Variants in PLXNB3 observed in about 807,000 individuals in gnomAD.
PLXNB3 encodes plexin-B3.
A neutral mutation model predicts 125.7 loss-of-function variants in PLXNB3; 80 were observed. The observed-to-expected ratio is 0.64, with a 90% CI of 0.53 to 0.77. The LOEUF (loss-of-function observed/expected upper bound fraction) is 0.77. Among genes scored for constraint, PLXNB3 ranks in the 30% least tolerant of loss-of-function variants. The pLI is 0.00. For synonymous variants in PLXNB3, 954 were observed against 783.3 expected, an observed-to-expected ratio of 1.22 and a Z score of -3.64; for missense variants, 1,836 against 1,729.3, an observed-to-expected ratio of 1.06 and a Z score of -1.09.
In PLXNB3 at chrX:153,775,084, G is replaced by C. The variant is rs1557063578; in HGVS notation, c.4136G>C (p.Ser1379Thr). 8.3e-7 allele frequency: 1 copy of C among 1,204,224 alleles called. No homozygotes were observed. The highest frequency in any genetic ancestry group is 3.0e-5 in the East Asian group (1 of 33,748). Residue 1379 changes from serine to threonine, a missense_variant, in exon 24 of 36, where the codon AGC becomes ACC. Ser to Thr is a moderately conservative substitution (Grantham distance 58, BLOSUM62 1). Coordinates refer to ENST00000361971, the MANE Select transcript of PLXNB3 (RefSeq NM_005393.3). ...ACGCAGCTCTCCAACCTGCTCAACAGCAAGCTCTTCCTCCTCACGGTGAGG... is the reference window on the plus strand; with the variant it reads ...ACGCAGCTCTCCAACCTGCTCAACACCAAGCTCTTCCTCCTCACGGTGAGG... ...GLTQLSNLLN[S>T]KLFLLTLIHT...
rs781897955 is a variant in PLXNB3, at chrX:153,773,884, C to T, written c.3305C>T (p.Ser1102Leu). Residue 1102 changes from serine (S) to leucine (L), a missense_variant, in exon 20 of 36, where the codon TCG becomes TTG. Coordinates refer to ENST00000361971, the MANE Select transcript of PLXNB3 (RefSeq NM_005393.3). ...LQCSTVCSVN[S>L]SSLLLCRSPA... ...TGCTCCACCGTCTGCTCCGTCAACT[C>T]GTCCAGCCTCCTCCTGTGCCGGAGC... 3.3e-6 allele frequency: 4 copies of T among 1,210,157 alleles called. No homozygotes were observed. Among genetic ancestry groups the T allele is most frequent in the South Asian group, 1.8e-5 (1 of 56,975 alleles).
rs782445875 is a variant in PLXNB3, at chrX:153,777,243, G to A, written c.4963G>A (p.Val1655Met). The change falls in exon 30 of 36, where the codon GTG becomes ATG. Residue 1655 changes from valine to methionine, a missense_variant. Transcript: ENST00000361971. The stretch of plus-strand genomic sequence containing the variant: ...GCTGGAGGATGGCGAGGAGGGGGGG[G>A]TGTGCCTCTGGCACCTGGTGAAAGC... ...PTLEDGEEGG[V>M]CLWHLVKATE... 6 of 1,178,220 alleles carry A rather than the reference G, an allele frequency of 5.1e-6. No individual in the cohort carries two copies. The African/African-American group carries it at 5.3e-5, about 10-fold the overall frequency.
Position 153,766,903 on chromosome X carries a change from G to A in PLXNB3, c.76G>A (p.Gly26Ser), listed in dbSNP as rs782365591. The change falls in exon 3 of 36, where the codon GGC (glycine) becomes AGC (serine). Residue 26 changes from glycine (G) to serine (S), a missense_variant. Coordinates refer to ENST00000361971, the MANE Select transcript of PLXNB3 (RefSeq NM_005393.3). ...APVMARWPPFGLCLLLLLLSP... is the reference protein window; with the variant it reads ...APVMARWPPFSLCLLLLLLSP... ...CGTGATGGCTCGCTGGCCTCCCTTC[G>A]GCCTCTGCCTCCTCCTGCTGCTGCT... The A allele has an allele frequency of 1.1e-5, 13 of 1,203,921 alleles. No homozygotes were observed. The East Asian group carries it at 1.5e-4, about 14-fold the overall frequency.
chrX:153,768,369 C>A lies in PLXNB3; in HGVS notation c.1207C>A (p.Leu403Ile). 1 of 1,210,528 alleles carries A rather than the reference C, an allele frequency of 8.3e-7. No homozygotes were observed. The highest frequency in any genetic ancestry group is 1.1e-6 in the Non-Finnish European group (1 of 894,795). ...GCAGCCGGTCAGCGCCGTGGCAGCT[C>A]TCCAGGCAGATGGGCACATGATAGC... is the stretch of plus-strand genomic sequence containing the variant. ...LGQPVSAVAA[L>I]QADGHMIAFL... is the part of the protein sequence containing the mutation. Residue 403 changes from leucine to isoleucine, a missense_variant, in exon 4 of 36, where the codon CTC becomes ATC. Coordinates refer to ENST00000361971, the MANE Select transcript of PLXNB3 (RefSeq NM_005393.3).
Position 153,774,437 on chromosome X carries a change from G to A in PLXNB3, c.3696G>A (p.Val1232=), listed in dbSNP as rs2091964756. The part of the protein sequence containing the change: ...LPQFVVQMGN[V]QLALGPVQYE... ...CCCCCCAGGTGCAGATGGGCAATGT[G>A]CAGCTGGCCCTGGGCCCTGTGCAGT... The change falls in exon 22 of 36, where the codon GTG becomes GTA. Residue 1232 remains valine, a synonymous_variant. Coordinates refer to ENST00000361971, the MANE Select transcript of PLXNB3 (RefSeq NM_005393.3). 1.7e-6 allele frequency: 2 copies of A among 1,196,084 alleles called. No individual in the cohort carries two copies. Among genetic ancestry groups the A allele is most frequent in the African/African-American group, 3.5e-5 (2 of 57,480 alleles).
intron 16 of PLXNB3, chrX:153,772,611 G>A (rs2091944122): frequency 2.5e-6 from 2 of 814,187 alleles, no homozygotes; most frequent in Non-Finnish European, 3.2e-6. Flanking sequence ...TCTGGGGGCT[G>A]TAAGCTGTGG....
chrX:153,773,830 A>G (rs781991189), intron 19 of PLXNB3, 29 bp from the exon 20 acceptor site: 7 of 1,209,613 alleles, frequency 5.8e-6, no homozygotes, highest in Non-Finnish European at 7.8e-6. Context: ...AGCTCACTCC[A>G]CCTGTGGTCG....
rs554931333 is a variant in PLXNB3, at chrX:153,767,370, C to A, written c.543C>A (p.Pro181=). 2 of 1,191,834 alleles carry A rather than the reference C, an allele frequency of 1.7e-6. No homozygotes were observed. The highest frequency in any genetic ancestry group is 2.3e-5 in the Admixed American group (1 of 44,298). The part of the protein sequence containing the change: ...VATVGLVVPL[P]GRDLLLVARG... The stretch of plus-strand genomic sequence containing the variant: ...CGGTGGGGCTGGTGGTGCCCTTGCC[C>A]GGCCGGGACCTCCTGCTTGTGGCCA... The change falls in exon 3 of 36, where the codon CCC becomes CCA. Residue 181 remains proline, a synonymous_variant. Transcript: ENST00000361971.
chrX:153,775,419 G>A lies in PLXNB3; in HGVS notation c.4334+16G>A. ...TGCTACGCAGGTTGGCCTTGACCTG[G>A]ACCCGGTGGCGGGGGTGAGGGCTTG... On this transcript the variant is annotated intron_variant, in intron 25 of 35. Coordinates refer to ENST00000361971, the MANE Select transcript of PLXNB3 (RefSeq NM_005393.3). 8.3e-7 allele frequency: 1 copy of A among 1,200,673 alleles called. No homozygotes were observed. Among genetic ancestry groups the A allele is most frequent in the South Asian group, 1.8e-5 (1 of 55,427 alleles).
At chrX:153,766,373 C>CT in intron 2 of PLXNB3, 1 of 1,108,238 alleles carries the variant, frequency 9.0e-7, no homozygotes, top group Non-Finnish European at 1.2e-6. Context: ...GGTGGCCTCA[C>CT]TCCTCTCACC....
Position 153,774,254 on chromosome X carries a change from G to A in PLXNB3, c.3588G>A (p.Leu1196=), listed in dbSNP as rs782415487. 5 of 1,191,108 alleles carry A rather than the reference G, an allele frequency of 4.2e-6. No homozygotes were observed. The highest frequency in any genetic ancestry group is 5.6e-6 in the Non-Finnish European group (5 of 889,711). The change falls in exon 21 of 36, where the codon CTG becomes CTA. Residue 1196 remains leucine, a synonymous_variant. Transcript: ENST00000361971. ...VRVHIGRGEC[L]VKTLTRTHLY... is the part of the protein sequence containing the mutation. ...TGCACATCGGCCGCGGCGAGTGCCT[G>A]GTGAAGACGCTCACGCGCACCCACC...
chrX:153,767,790 G>A lies in PLXNB3; in HGVS notation c.963G>A (p.Glu321=). 8.6e-7 allele frequency: 1 copy of A among 1,169,462 alleles called. No individual in the cohort carries two copies. Among genetic ancestry groups the A allele is most frequent in the East Asian group, 3.2e-5 (1 of 31,122 alleles). ...CGCTCTGTGCCTTCCCCATGGTGGAGCTGGGTGCCAGCATGGAGCAGGCCC... is the reference window on the plus strand; with the variant it reads ...CGCTCTGTGCCTTCCCCATGGTGGAACTGGGTGCCAGCATGGAGCAGGCCC... ...QAALCAFPMV[E]LGASMEQARR... Residue 321 remains glutamate (E), a synonymous_variant, in exon 3 of 36, where the codon GAG becomes GAA. Coordinates refer to ENST00000361971, the MANE Select transcript of PLXNB3 (RefSeq NM_005393.3).
Position 153,776,917 on chromosome X carries a change from C to T in PLXNB3, c.4864C>T (p.Pro1622Ser). The change falls in exon 29 of 36, where the codon CCT (proline) becomes TCT (serine). Residue 1622 changes from proline to serine, a missense_variant. Pro to Ser is a moderately conservative substitution (Grantham distance 74). Transcript: ENST00000361971. ...VPDGATVGLV[P>S]QLHRGSTISQ... ...AGATGGAGCAACAGTGGGGCTCGTC[C>T]CTCAGCTGCACCGTGGCAGCACCAT... The T allele has an allele frequency of 8.3e-7, 1 of 1,200,883 alleles. No individual in the cohort carries two copies. The highest frequency in any genetic ancestry group is 1.1e-6 in the Non-Finnish European group (1 of 889,567).
rs781828875 is a variant in PLXNB3 at position 153,771,949 on chromosome X, A to T, written c.2603A>T (p.Gln868Leu). The T allele has an allele frequency of 8.3e-7, 1 of 1,209,399 alleles. No homozygotes were observed. The highest frequency in any genetic ancestry group is 1.1e-6 in the Non-Finnish European group (1 of 895,037). The part of the protein sequence containing the change: ...SNLGRAFADV[Q>L]YAVSVASRPC... ...CTGGGCCGGGCCTTCGCCGATGTGC[A>T]GTACGCCGTGAGCGTGGCCAGCCGG... Residue 868 changes from glutamine (Q) to leucine (L), a missense_variant, in exon 15 of 36, where the codon CAG (glutamine) becomes CTG (leucine). By Grantham distance (113) the Gln-to-Leu change is moderately radical. Coordinates refer to ENST00000361971, the MANE Select transcript of PLXNB3 (RefSeq NM_005393.3).
intron 17 of PLXNB3, 55 bp from the exon 18 acceptor site, chrX:153,773,175 C>A: frequency 8.8e-7 from 1 of 1,136,195 alleles, no homozygotes. Flanking sequence ...TGGGCCAGGG[C>A]TGGGGTAGAG....
At position 153,770,459 on chromosome X, in the gene PLXNB3, G is replaced by A; in HGVS notation, c.1895+13G>A. On this transcript the variant is annotated intron_variant, in intron 9 of 35. Transcript: ENST00000361971. ...AGGCGGCTGCCCCGTGAGTCCCTGG[G>A]CCTGCCTCCTGGGGTAGGGGTGGCG... The A allele has an allele frequency of 8.3e-7, 1 of 1,202,918 alleles. No homozygotes were observed. Among genetic ancestry groups the A allele is most frequent in the Non-Finnish European group, 1.1e-6 (1 of 888,729 alleles).
Position 153,774,943 on chromosome X carries a change from A to C in PLXNB3, c.3995A>C (p.Asp1332Ala), listed in dbSNP as rs782036047. The change falls in exon 24 of 36, where the codon GAC becomes GCC. Residue 1332 changes from aspartate to alanine, a missense_variant. Asp to Ala is a moderately radical substitution (Grantham distance 126). Coordinates refer to ENST00000361971, the MANE Select transcript of PLXNB3 (RefSeq NM_005393.3). Reference sequence around the variant, plus strand: ...GAGGGCAGCGGGATCCCCTTCCTGGACTACCGCACCTACGCCGAGCGCGCC... The same window carrying C: ...GAGGGCAGCGGGATCCCCTTCCTGGCCTACCGCACCTACGCCGAGCGCGCC... ...DLEGSGIPFL[D>A]YRTYAERAFF... 8.4e-7 allele frequency: 1 copy of C among 1,188,741 alleles called. No individual in the cohort carries two copies.
At position 153,767,179 on chromosome X, in the gene PLXNB3, C is replaced by A; in HGVS notation, c.352C>A (p.Gln118Lys). The A allele has an allele frequency of 8.3e-7, 1 of 1,206,691 alleles. No homozygotes were observed. The highest frequency in any genetic ancestry group is 1.1e-6 in the Non-Finnish European group (1 of 893,439). Residue 118 changes from glutamine (Q) to lysine (K), a missense_variant, in exon 3 of 36, where the codon CAG (glutamine) becomes AAG (lysine). By Grantham distance (53) the Gln-to-Lys change is moderately conservative. Transcript: ENST00000361971. Reference sequence around the variant, plus strand: ...GGCCCAGCTCACTGACAATGCCAACCAGCTGCTGCTGGTGAGCAGCCGCGC... The same window carrying A: ...GGCCCAGCTCACTGACAATGCCAACAAGCTGCTGCTGGTGAGCAGCCGCGC... ...PQAQLTDNANQLLLVSSRAQE... is the reference protein window; with the variant it reads ...PQAQLTDNANKLLLVSSRAQE...
Position 153,775,968 on chromosome X carries a change from G to A in PLXNB3, c.4483G>A (p.Gly1495Ser), listed in dbSNP as rs781830053. 26 of 1,211,367 alleles carry A rather than the reference G, an allele frequency of 2.1e-5. No homozygotes were observed. The highest frequency in any genetic ancestry group is 2.9e-5 in the Non-Finnish European group (26 of 895,489). ...CAAAGGCCCCGTGGACGCCGTGACA[G>A]GCAAGGCCAAACGGACCCTGAATGA... ...VDKGPVDAVT[G>S]KAKRTLNDSR... The change falls in exon 27 of 36, where the codon GGC (glycine) becomes AGC (serine). Residue 1495 changes from glycine to serine, a missense_variant. Gly to Ser is a moderately conservative substitution (Grantham distance 56, BLOSUM62 0). Coordinates refer to ENST00000361971, the MANE Select transcript of PLXNB3 (RefSeq NM_005393.3).
Sources: gnomAD v4.1 joint callset for allele counts on GRCh38, gnomAD v4.1.1 for gene constraint, MANE v1.5 for transcripts, NCBI Gene and HGNC (gene_info 2026-07-23, HGNC 2026-07-21) for gene names.